GPR39: variants seen among roughly 807,000 people sequenced by gnomAD.
GPR39 encodes the protein G protein-coupled receptor 39, also known as zinc sensing receptor.
In GPR39, 23 loss-of-function variants were observed where a neutral mutation model predicts 18.4. That is an observed-to-expected ratio of 1.25 (90% CI 0.90 to 1.77). GPR39 has a LOEUF of 1.77. GPR39 is among the 40% of genes most tolerant of loss of function. GPR39 has a pLI of 0.00. For missense variants in GPR39, 647 were observed against 602.4 expected, an observed-to-expected ratio of 1.07 and a Z score of -0.78; for synonymous variants, 280 against 257.9, an observed-to-expected ratio of 1.09 and a Z score of -0.82.
intron 1 of GPR39, among the ~76,000 whole-genome samples, chr2:132,592,177 G>A (rs1479636366): frequency 6.6e-6 from 1 of 152,180 alleles, no homozygotes; most frequent in African/African-American, 2.4e-5. Flanking sequence ...AAATAAACAA[G>A]TGCCACGTAT....
intron 1 of GPR39, among the ~76,000 whole-genome samples, chr2:132,598,587 T>A (rs1355863053): frequency 6.6e-6 from 1 of 151,950 alleles, no homozygotes; most frequent in African/African-American, 2.4e-5. Flanking sequence ...AGAGTTTAGG[T>A]TTGCCACTTC....
At chr2:132,522,141 TC>T (rs1679437086) in intron 1 of GPR39, among the ~76,000 whole-genome samples, 1 of 152,178 alleles carries the variant, frequency 6.6e-6, no homozygotes, top group African/African-American at 2.4e-5. Flanking sequence ...TCAAAGGCCA[TC>T]CTTAGCCTTC....
chr2:132,464,980 A>G (rs1426886715), intron 1 of GPR39, among the ~76,000 whole-genome samples: 1 of 152,226 alleles, frequency 6.6e-6, no homozygotes, highest in African/African-American at 2.4e-5. Flanking sequence ...CCCTTAAACC[A>G]AGAGGTCCTA....
chr2:132,462,678 A>C (rs1201096584), intron 1 of GPR39, among the ~76,000 whole-genome samples: 1 of 152,084 alleles, frequency 6.6e-6, no homozygotes, highest in African/African-American at 2.4e-5. Flanking sequence ...AATAGTATAG[A>C]GTTTAAAGTC....
In GPR39 at chr2:132,463,263, G is replaced by A. The variant is rs545438242; in HGVS notation, c.856+45365G>A. Among the ~76,000 whole-genome samples, 11 of 152,290 alleles carry A rather than the reference G, an allele frequency of 7.2e-5. No individual in the cohort carries two copies. In the East Asian group the frequency reaches 1.9e-3, roughly 27 times the overall value. On this transcript the variant is annotated intron_variant, in intron 1 of 1. Coordinates refer to ENST00000329321, the MANE Select transcript of GPR39 (RefSeq NM_001508.3). ...ATAAAATGAAAAGGAAGCCATCAGA[G>A]AGACAGCTTGGTTTCCTTATACAAG...
chr2:132,470,668 G>A (rs542095968), intron 1 of GPR39, among the ~76,000 whole-genome samples: 3 of 151,466 alleles, frequency 2.0e-5, no homozygotes, highest in Non-Finnish European at 2.9e-5. Flanking sequence ...AAAATGTATA[G>A]ATCCAGTTGT....
intron 1 of GPR39, among the ~76,000 whole-genome samples, chr2:132,643,266 A>G (rs1244253033): frequency 1.3e-5 from 2 of 152,216 alleles, no homozygotes; most frequent in Non-Finnish European, 2.9e-5. Flanking sequence ...TTCTCAGGAT[A>G]GCAAACTCAA....
intron 1 of GPR39, among the ~76,000 whole-genome samples, chr2:132,626,704 C>T (rs991906509): frequency 4.6e-5 from 7 of 152,058 alleles, no homozygotes; most frequent in Admixed American, 3.3e-4. Flanking sequence ...TGGTTGGAGG[C>T]CTCCAGGTTA....
intron 1 of GPR39, among the ~76,000 whole-genome samples, chr2:132,520,023 C>T (rs1679394985): frequency 6.6e-6 from 1 of 152,174 alleles, no homozygotes; most frequent in African/African-American, 2.4e-5. Flanking sequence ...TACAAGCTGT[C>T]CTGTGATCTG....
In GPR39 at chr2:132,646,129, C is replaced by T. The variant is rs1423818826; in HGVS notation, c.*523C>T. Reference sequence around the variant, plus strand: ...GCCTGAGGGCCGAGGCAGAACTTCCCCTTTTCTTGGGCCTTGGCCCGTTAC... The same window carrying T: ...GCCTGAGGGCCGAGGCAGAACTTCCTCTTTTCTTGGGCCTTGGCCCGTTAC... On this transcript the variant is annotated 3_prime_UTR_variant, in exon 2 of 2. Coordinates refer to ENST00000329321, the MANE Select transcript of GPR39 (RefSeq NM_001508.3). The T allele has an allele frequency of 1.2e-6, 2 of 1,610,532 alleles. No individual in the cohort carries two copies. The highest frequency in any genetic ancestry group is 8.5e-7 in the Non-Finnish European group (1 of 1,178,082).
intron 1 of GPR39, among the ~76,000 whole-genome samples, chr2:132,560,555 A>C (rs1253900554): frequency 6.6e-6 from 1 of 152,192 alleles, no homozygotes; most frequent in Admixed American, 6.5e-5. Context: ...TGGAGTTAAC[A>C]CTGGCCTTCC....
intron 1 of GPR39, among the ~76,000 whole-genome samples, chr2:132,420,172 A>G (rs1285809521): frequency 2.0e-5 from 3 of 152,262 alleles, no homozygotes; most frequent in African/African-American, 7.2e-5. Flanking sequence ...CAGCATAAAG[A>G]TTGTTGAATG....
intron 1 of GPR39, among the ~76,000 whole-genome samples, chr2:132,489,335 C>G (rs539680819): frequency 6.6e-6 from 1 of 152,086 alleles, no homozygotes; most frequent in Non-Finnish European, 1.5e-5. Context: ...CCGGCAGCAC[C>G]GAGGGCAGGG....
intron 1 of GPR39, among the ~76,000 whole-genome samples, chr2:132,556,542 T>C (rs1680155793): frequency 6.6e-6 from 1 of 152,206 alleles, no homozygotes; most frequent in African/African-American, 2.4e-5. Context: ...TGGGTGATTC[T>C]AATTGCTAGT....
intron 1 of GPR39, among the ~76,000 whole-genome samples, chr2:132,578,752 A>G (rs898436348): frequency 1.3e-5 from 2 of 152,070 alleles, no homozygotes; most frequent in Non-Finnish European, 2.9e-5. Context: ...AAGTACATCT[A>G]TTTTATCTAA....
At chr2:132,623,487 G>C (rs1245449507) in intron 1 of GPR39, among the ~76,000 whole-genome samples, 2 of 152,170 alleles carry the variant, frequency 1.3e-5, no homozygotes, top group African/African-American at 2.4e-5. Context: ...CAAAAGTCAG[G>C]AATAAAGTTA....
chr2:132,561,875 C>T (rs60612775), intron 1 of GPR39, among the ~76,000 whole-genome samples: 11,231 of 152,176 alleles, frequency 0.074, 1,408 homozygotes, highest in African/African-American at 0.25. Context: ...CCCTCTTACT[C>T]CAACTTTTCA....
chr2:132,616,310 T>G (rs1016880263), intron 1 of GPR39, among the ~76,000 whole-genome samples: 30 of 152,136 alleles, frequency 2.0e-4, no homozygotes, highest in Admixed American at 1.7e-3. Flanking sequence ...TTCGACCCAG[T>G]CTGTCTCCAG....
In GPR39 at chr2:132,565,344, A is replaced by C. The variant is rs989986366; in HGVS notation, c.857-79757A>C. ...GGACTCTCCCCTATGAACTCCCAAT[A>C]GCCTTTGTCTCATTTAGATTCTTTA... On this transcript the variant is annotated intron_variant, in intron 1 of 1. Transcript: ENST00000329321. 6.0e-5 allele frequency among the ~76,000 whole-genome samples: 9 copies of C among 151,056 alleles called. No homozygotes were observed. The East Asian group carries it at 1.8e-3, about 30-fold the overall frequency.
Sources: allele counts gnomAD v4.1 joint callset (sites outside exome capture counted in the v4.1 genomes callset), GRCh38; gene constraint gnomAD v4.1.1; transcripts MANE v1.5; gene names NCBI Gene and HGNC (gene_info 2026-07-23, HGNC 2026-07-21).